Variants in AUTS2 observed in about 807,000 individuals in gnomAD.
AUTS2 encodes the protein autism susceptibility gene 2 protein.
Under a neutral mutation model 112.4 loss-of-function variants are expected in AUTS2, and 17 were observed. The ratio of observed to expected loss-of-function variants is 0.15; its 90% CI spans 0.10 to 0.23. The LOEUF (loss-of-function observed/expected upper bound fraction) is 0.23, where lower values mean the gene tolerates loss of function less well. Ranked by LOEUF, AUTS2 falls within the 10% of genes least tolerant of loss-of-function variation. AUTS2 has a pLI of 1.00. For missense variants in AUTS2, 1,510 were observed against 1,701.6 expected, an observed-to-expected ratio of 0.89 and a Z score of 1.98; for synonymous variants, 751 against 702.7, an observed-to-expected ratio of 1.07 and a Z score of -1.09.
intron 5 of AUTS2, among the ~76,000 whole-genome samples, chr7:70,640,421 G>GAAAA (rs57911940): frequency 2.7e-3 from 255 of 93,512 alleles, no homozygotes; most frequent in East Asian, 0.026. Context: ...CTCACAGGGG[G>GAAAA]AAAAAAAAAA....
intron 6 of AUTS2, among the ~76,000 whole-genome samples, chr7:70,739,734 A>G (rs1787991883): frequency 6.6e-6 from 1 of 151,734 alleles, no homozygotes; most frequent in Admixed American, 6.6e-5. Context: ...GTGGTCACCA[A>G]GGCTGTGCTT....
intron 4 of AUTS2, among the ~76,000 whole-genome samples, chr7:70,384,273 G>T (rs1318862286): frequency 6.6e-6 from 1 of 152,190 alleles, no homozygotes; most frequent in Non-Finnish European, 1.5e-5. Flanking sequence ...TGCTTGGCAG[G>T]TGGGCCTACT....
chr7:70,297,553 C>T (rs1448659010), intron 4 of AUTS2, among the ~76,000 whole-genome samples: 1 of 151,916 alleles, frequency 6.6e-6, no homozygotes, highest in East Asian at 1.9e-4. Context: ...CCCCAGCCTC[C>T]CAAGTAGCTG....
chr7:70,556,730 A>G (rs1415320091), intron 5 of AUTS2, among the ~76,000 whole-genome samples: 1 of 152,192 alleles, frequency 6.6e-6, no homozygotes, highest in Non-Finnish European at 1.5e-5. Context: ...TCTTCTGATA[A>G]CCACCCAGTT....
chr7:70,236,372 C>T (rs949686383), intron 4 of AUTS2, among the ~76,000 whole-genome samples: 6 of 152,262 alleles, frequency 3.9e-5, no homozygotes, highest in Non-Finnish European at 8.8e-5. Context: ...TGTACAGTTT[C>T]ATTGGTGAGT....
intron 5 of AUTS2, among the ~76,000 whole-genome samples, chr7:70,640,026 C>T (rs1044825169): frequency 5.3e-5 from 8 of 152,050 alleles, no homozygotes; most frequent in Admixed American, 2.0e-4. Flanking sequence ...GTAATGATGG[C>T]TGAGCCTTTT....
At chr7:70,086,108 T>G (rs1803583879) in intron 2 of AUTS2, among the ~76,000 whole-genome samples, 1 of 152,240 alleles carries the variant, frequency 6.6e-6, no homozygotes. Flanking sequence ...TCTTCCAACT[T>G]ACTTTTTCCT....
chr7:70,121,203 T>C (rs1268739360), intron 3 of AUTS2, among the ~76,000 whole-genome samples: 2 of 152,144 alleles, frequency 1.3e-5, no homozygotes, highest in Non-Finnish European at 2.9e-5. Context: ...AAACTCAAAA[T>C]GAATCAATGA....
chr7:69,901,514 A>G (rs931445502), intron 2 of AUTS2, among the ~76,000 whole-genome samples: 1 of 152,208 alleles, frequency 6.6e-6, no homozygotes, highest in African/African-American at 2.4e-5. Flanking sequence ...CACATCTTAA[A>G]TTTGAGTAGC....
rs368548111 is a variant in AUTS2 at position 70,283,020 on chromosome 7, T to C, written c.660+148449T>C. Reference sequence around the variant, plus strand: ...GAATATGAATTTTTTATGCTGTTGATGAGAAGTTTATGTCATTTATATACT... The same window carrying C: ...GAATATGAATTTTTTATGCTGTTGACGAGAAGTTTATGTCATTTATATACT... On this transcript the variant is annotated intron_variant, in intron 4 of 18. Transcript: ENST00000342771. Among the ~76,000 whole-genome samples, 20 of 152,348 alleles carry C rather than the reference T, an allele frequency of 1.3e-4. No homozygotes were observed. In the East Asian group the frequency reaches 1.7e-3, roughly 13 times the overall value.
chr7:70,692,274 C>G (rs916015761), intron 5 of AUTS2, among the ~76,000 whole-genome samples: 2 of 152,212 alleles, frequency 1.3e-5, no homozygotes, highest in South Asian at 4.1e-4. Flanking sequence ...GCCATGCCAT[C>G]GTGCTCTCAG....
chr7:70,787,502 C>A (rs370404743), intron 18 of AUTS2, 71 bp downstream of exon 18: 17 of 1,123,592 alleles, frequency 1.5e-5, no homozygotes, highest in African/African-American at 1.4e-4. Flanking sequence ...TGGAACTGGC[C>A]GCCCACCCTC....
chr7:69,828,248 C>A (rs992506523), intron 1 of AUTS2, among the ~76,000 whole-genome samples: 2 of 152,168 alleles, frequency 1.3e-5, no homozygotes, highest in African/African-American at 4.8e-5. Flanking sequence ...GTCTGGCTGG[C>A]TGGACATGAG....
At chr7:69,658,643 CTCTT>C (rs1189039480) in intron 1 of AUTS2, among the ~76,000 whole-genome samples, 1 of 152,146 alleles carries the variant, frequency 6.6e-6, no homozygotes, top group African/African-American at 2.4e-5. Context: ...ATGTCTTCAT[CTCTT>C]TCTTTGTTTG....
chr7:70,313,850 G>C (rs903424155), intron 4 of AUTS2, among the ~76,000 whole-genome samples: 3 of 152,188 alleles, frequency 2.0e-5, no homozygotes, highest in African/African-American at 7.2e-5. Flanking sequence ...CCGTGGAGAC[G>C]TGGGAATGGC....
At chr7:69,968,305 A>C (rs184863337) in intron 2 of AUTS2, among the ~76,000 whole-genome samples, 9 of 152,250 alleles carry the variant, frequency 5.9e-5, no homozygotes, top group Admixed American at 1.3e-4. Flanking sequence ...ATATGAGATG[A>C]TCTCTTTACT....
intron 2 of AUTS2, among the ~76,000 whole-genome samples, chr7:69,926,445 G>GTCTGTCTGTCTGTCTA (rs796507485): frequency 3.2e-5 from 4 of 123,132 alleles, no homozygotes; most frequent in African/African-American, 1.3e-4. Context: ...CTGTCTGTCT[G>GTCTGTCTGTCTGTCTA]TCTATCTATC....
intron 1 of AUTS2, among the ~76,000 whole-genome samples, chr7:69,604,141 C>T (rs1331527809): frequency 1.3e-5 from 2 of 152,186 alleles, no homozygotes; most frequent in Non-Finnish European, 2.9e-5. Flanking sequence ...GTTAGAGCAT[C>T]AAACCAAGAC....
At chr7:70,009,053 T>C (rs1211709433) in intron 2 of AUTS2, among the ~76,000 whole-genome samples, 2 of 152,164 alleles carry the variant, frequency 1.3e-5, no homozygotes, top group Admixed American at 1.3e-4. Context: ...TATAAAAGAA[T>C]ACCTGAGAGT....
Sources: gnomAD v4.1 joint callset for allele counts (sites outside exome capture counted in the v4.1 genomes callset) on GRCh38, gnomAD v4.1.1 for gene constraint, MANE v1.5 for transcripts, NCBI Gene and HGNC (gene_info 2026-07-23, HGNC 2026-07-21) for gene names.